The following MIPOL1 variants were observed in gnomAD, a reference collection of about 807,000 sequenced individuals.
MIPOL1 encodes the protein mirror-image polydactyly gene 1 protein.
MIPOL1 carries 57 observed loss-of-function variants against 60.9 expected under a neutral mutation model. The ratio of observed to expected loss-of-function variants is 0.94; its 90% CI spans 0.76 to 1.17. The LOEUF (loss-of-function observed/expected upper bound fraction) is 1.17. Among genes scored for constraint, MIPOL1 ranks in the 50% most tolerant of loss-of-function variants. The pLI is 0.00. For synonymous variants in MIPOL1, 179 were observed against 168.8 expected (o/e 1.06, Z -0.47); for missense variants, 551 against 511.6 (o/e 1.08, Z -0.74).
intron 10 of MIPOL1, among the ~76,000 whole-genome samples, chr14:37,374,167 T>A (rs1015732640): frequency 6.6e-6 from 1 of 152,194 alleles, no homozygotes; most frequent in African/African-American, 2.4e-5. Flanking sequence ...GTTTGTTGGC[T>A]GCATAAATGT....
intron 11 of MIPOL1, among the ~76,000 whole-genome samples, chr14:37,435,978 A>G (rs1167751918): frequency 6.6e-6 from 1 of 152,168 alleles, no homozygotes; most frequent in Non-Finnish European, 1.5e-5. Flanking sequence ...GTGCTTTACA[A>G]AAGGCAGGAT....
chr14:37,522,022 A>C (rs2153631595), intron 12 of MIPOL1, among the ~76,000 whole-genome samples: 1 of 151,386 alleles, frequency 6.6e-6, no homozygotes, highest in Middle Eastern at 3.4e-3. Context: ...GCTTTAGAGA[A>C]TTTCATTGTG....
intron 11 of MIPOL1, among the ~76,000 whole-genome samples, chr14:37,447,998 T>C (rs2094362872): frequency 6.6e-6 from 1 of 152,038 alleles, no homozygotes; most frequent in African/African-American, 2.4e-5. Flanking sequence ...TCTTGACTGG[T>C]TTTATAAAAC....
At chr14:37,215,384 T>C (rs1042962214) in intron 1 of MIPOL1, among the ~76,000 whole-genome samples, 1 of 152,042 alleles carries the variant, frequency 6.6e-6, no homozygotes, top group African/African-American at 2.4e-5. Flanking sequence ...TGTCTTTTTT[T>C]CTACAATCTT....
Position 37,295,333 on chromosome 14 carries a change from C to A in MIPOL1, c.623+9886C>A, listed in dbSNP as rs544490164. Among the ~76,000 whole-genome samples, 3 of 152,228 alleles carry A rather than the reference C, an allele frequency of 2.0e-5. No homozygotes were observed. The South Asian group carries it at 6.2e-4, about 32-fold the overall frequency. On this transcript the variant is annotated intron_variant, in intron 7 of 12. Coordinates refer to ENST00000684589, the MANE Select transcript of MIPOL1 (RefSeq NM_001388067.1). ...TAACCATGGAAAGGAACAACCGGTA[C>A]CAGCCACTGGAAAAACATGCCAAAT...
chr14:37,341,162 C>T (rs938416425), intron 9 of MIPOL1, among the ~76,000 whole-genome samples: 1 of 152,074 alleles, frequency 6.6e-6, no homozygotes, highest in Non-Finnish European at 1.5e-5. Context: ...GCAATGTATT[C>T]CTGTATCGTG....
chr14:37,494,429 G>C (rs2095088625), intron 11 of MIPOL1, among the ~76,000 whole-genome samples: 1 of 152,168 alleles, frequency 6.6e-6, no homozygotes, highest in African/African-American at 2.4e-5. Flanking sequence ...TACTGGATAA[G>C]TAAGACTTTG....
chr14:37,339,367 G>A (rs924360767), intron 9 of MIPOL1, among the ~76,000 whole-genome samples: 3 of 152,210 alleles, frequency 2.0e-5, no homozygotes, highest in African/African-American at 7.2e-5. Context: ...GTGTGAAATA[G>A]TACAACCAGT....
Position 37,247,093 on chromosome 14 carries a change from A to G in MIPOL1, c.-198-10A>G, listed in dbSNP as rs1292331671. 1 of 152,540 alleles carries G rather than the reference A, an allele frequency of 6.6e-6. No homozygotes were observed. The highest frequency in any genetic ancestry group is 6.6e-5 in the Admixed American group (1 of 15,252). The allele number at this position is 152,540 out of a possible 1,614,324, so 9.4% of individuals were successfully genotyped here. ...ATTTCTTTGATATTAATAACTTCCT[A>G]TATTTTCAGCTAATCCAAAAGTAAA... On this transcript the variant is annotated splice_polypyrimidine_tract_variant and intron_variant, in intron 1 of 12. Transcript: ENST00000684589.
At chr14:37,360,052 GC>G (rs1244805378) in intron 9 of MIPOL1, among the ~76,000 whole-genome samples, 1 of 152,100 alleles carries the variant, frequency 6.6e-6, no homozygotes, top group Non-Finnish European at 1.5e-5. Context: ...TTTGTCGAAG[GC>G]CTTTTCTGCA....
intron 12 of MIPOL1, among the ~76,000 whole-genome samples, chr14:37,534,713 C>A (rs540383887): frequency 2.0e-5 from 3 of 152,204 alleles, no homozygotes; most frequent in Admixed American, 2.0e-4. Context: ...TTAATTTATT[C>A]TATTATCTCA....
intron 11 of MIPOL1, among the ~76,000 whole-genome samples, chr14:37,470,698 C>T (rs2094674608): frequency 6.6e-6 from 1 of 151,888 alleles, no homozygotes; most frequent in Non-Finnish European, 1.5e-5. Context: ...ACACCGTCAG[C>T]GTGGGTTGCA....
intron 11 of MIPOL1, among the ~76,000 whole-genome samples, chr14:37,451,579 A>C (rs1348355815): frequency 6.7e-6 from 1 of 148,320 alleles, no homozygotes; most frequent in African/African-American, 2.6e-5. Flanking sequence ...TGTACATGGA[A>C]ATGGAGCTGA....
At chr14:37,325,215 A>G (rs1441534019) in intron 9 of MIPOL1, among the ~76,000 whole-genome samples, 3 of 152,124 alleles carry the variant, frequency 2.0e-5, no homozygotes, top group Non-Finnish European at 2.9e-5. Context: ...CAAATTAATA[A>G]TGCGCTACAT....
chr14:37,276,430 A>G (rs2083666645), intron 6 of MIPOL1: 1 of 151,074 alleles, frequency 6.6e-6, no homozygotes. Context: ...GTAAAGGGTA[A>G]AAATATAGAT....
intron 11 of MIPOL1, among the ~76,000 whole-genome samples, chr14:37,465,651 C>CAG (rs1193000108): frequency 6.6e-6 from 1 of 151,960 alleles, no homozygotes; most frequent in Non-Finnish European, 1.5e-5. Context: ...TTTCAGTCAC[C>CAG]AGAACTTATT....
At chr14:37,506,838 A>G (rs944350589) in intron 12 of MIPOL1, 1 of 152,198 alleles carries the variant, frequency 6.6e-6, no homozygotes, top group African/African-American at 2.4e-5. Context: ...AAATTTTTGC[A>G]ATCTACCCAT....
intron 9 of MIPOL1, among the ~76,000 whole-genome samples, chr14:37,313,421 G>A (rs568446426): frequency 6.6e-6 from 1 of 152,268 alleles, no homozygotes; most frequent in African/African-American, 2.4e-5. Flanking sequence ...GGCACCTGGA[G>A]GCTTTGGGTC....
intron 9 of MIPOL1, among the ~76,000 whole-genome samples, chr14:37,320,425 A>G (rs1049825764): frequency 2.0e-5 from 3 of 151,896 alleles, no homozygotes; most frequent in Admixed American, 6.6e-5. Context: ...AGCTTTTTAT[A>G]TGTTTTTTGA....
Sources: gnomAD v4.1 joint callset for allele counts (sites outside exome capture counted in the v4.1 genomes callset) on GRCh38, gnomAD v4.1.1 for gene constraint, MANE v1.5 for transcripts, NCBI Gene and HGNC (gene_info 2026-07-23, HGNC 2026-07-21) for gene names.